Variants in NLRC5 observed in about 807,000 individuals in gnomAD.
NLRC5 encodes NLR family CARD domain containing 5.
Under a neutral mutation model 206.9 loss-of-function variants are expected in NLRC5, and 114 were observed. The observed-to-expected ratio is 0.55, with a 90% CI of 0.47 to 0.64. NLRC5 has a LOEUF of 0.64. NLRC5 is among the 30% of genes least tolerant of loss of function. The probability of loss-of-function intolerance (pLI) is 0.00; values close to 1 mark genes in which losing one functional copy is unlikely to be tolerated. For missense variants in NLRC5, 2,008 were observed against 2,305.5 expected, an observed-to-expected ratio of 0.87 and a Z score of 2.64; for synonymous variants, 952 against 962.8, an observed-to-expected ratio of 0.99 and a Z score of 0.21.
intron 23 of NLRC5, 128 bp from the exon 24 acceptor site, chr16:57,051,410 A>G: frequency 1.4e-6 from 1 of 719,216 alleles, no homozygotes; most frequent in Non-Finnish European, 2.5e-6. Flanking sequence ...CCATGGACCC[A>G]GTGCTGGGAG....
At chr16:56,990,284 G>T (rs1354672220) in intron 1 of NLRC5, among the ~76,000 whole-genome samples, 1 of 152,004 alleles carries the variant, frequency 6.6e-6, no homozygotes, top group East Asian at 1.9e-4. Flanking sequence ...TCTCAACTGA[G>T]GTATTTCAGA....
At chr16:57,019,363 C>T (rs971858299) in intron 2 of NLRC5, among the ~76,000 whole-genome samples, 1 of 152,062 alleles carries the variant, frequency 6.6e-6, no homozygotes, top group Non-Finnish European at 1.5e-5. Flanking sequence ...CACCATTGCA[C>T]TCCAGCCTGG....
chr16:57,012,511 C>T (rs55744249), intron 1 of NLRC5, among the ~76,000 whole-genome samples: 19,812 of 152,130 alleles, frequency 0.13, 1,389 homozygotes, highest in South Asian at 0.16. Context: ...GAGCGGCCAT[C>T]GGGCGAGTAT....
chr16:57,077,896 C>G (rs532173752), intron 42 of NLRC5, 47 bp from the exon 43 acceptor site: 1 of 1,608,648 alleles, frequency 6.2e-7, no homozygotes, highest in Admixed American at 1.7e-5. Context: ...GCGGGGGTCC[C>G]GAGTGGGCAG....
At chr16:57,079,330 C>A in intron 45 of NLRC5, 38 bp downstream of exon 45, 1 of 1,605,234 alleles carries the variant, frequency 6.2e-7, no homozygotes, top group Non-Finnish European at 8.5e-7. Context: ...GGACCAGTGG[C>A]AGGCTGAGGG....
In NLRC5 at chr16:57,079,256, G is replaced by A. The variant is rs117555414; in HGVS notation, c.5201G>A (p.Arg1734His). 2.4e-3 allele frequency: 3,795 copies of A among 1,613,642 alleles called. 13 individuals are homozygous for A. The highest frequency in any genetic ancestry group is 2.6e-3 in the Admixed American group (159 of 60,028). Residue 1734 changes from arginine to histidine, a missense_variant, in exon 45 of 49, where the codon CGT becomes CAT. Coordinates refer to ENST00000688547, the MANE Select transcript of NLRC5 (RefSeq NM_001384950.1). Reference sequence around the variant, plus strand: ...AACAACCTGGCTGGAGGGGTCCTGCGTTTCTGTATGGAGCTCCCGCTGCTC... The same window carrying A: ...AACAACCTGGCTGGAGGGGTCCTGCATTTCTGTATGGAGCTCCCGCTGCTC... ...AENNLAGGVL[R>H]FCMELPLLRQ...
chr16:57,033,744 G>T, intron 12 of NLRC5, 75 bp downstream of exon 12: 1 of 1,403,398 alleles, frequency 7.1e-7, no homozygotes, highest in Non-Finnish European at 1.0e-6. Flanking sequence ...GAGAGCAGGG[G>T]CAGGGAGGAT....
intron 1 of NLRC5, among the ~76,000 whole-genome samples, chr16:56,997,433 T>G (rs1336007680): frequency 6.6e-6 from 1 of 151,926 alleles, no homozygotes; most frequent in Non-Finnish European, 1.5e-5. Flanking sequence ...GTGAAGTAAA[T>G]GTAAAATCAC....
intron 11 of NLRC5, among the ~76,000 whole-genome samples, 169 bp from the exon 12 acceptor site, chr16:57,033,434 TC>T (rs2062110530): frequency 6.6e-6 from 1 of 152,208 alleles, no homozygotes; most frequent in South Asian, 2.1e-4. Flanking sequence ...CTGTTGCCCC[TC>T]CTGCTCTGCT....
At chr16:57,059,090 C>A in intron 29 of NLRC5, 29 bp downstream of exon 29, 1 of 1,613,378 alleles carries the variant, frequency 6.2e-7, no homozygotes, top group South Asian at 1.1e-5. Context: ...CCGAAAAGCC[C>A]CTTTCTGCTG....
In NLRC5 at chr16:57,074,703, C is replaced by T; in HGVS notation, c.4751+20C>T. 2 of 1,611,040 alleles carry T rather than the reference C, an allele frequency of 1.2e-6. No individual in the cohort carries two copies. Among genetic ancestry groups the T allele is most frequent in the Non-Finnish European group, 1.7e-6 (2 of 1,177,418 alleles). The stretch of plus-strand genomic sequence containing the variant: ...CCTCAGGTGAGTGACCGAGCGGCCC[C>T]ATGGGAATGAGTGGGAAGAAACACT... On this transcript the variant is annotated intron_variant, in intron 39 of 48. Transcript: ENST00000688547.
Position 57,058,112 on chromosome 16 carries a change from A to G in NLRC5, c.3794A>G (p.Glu1265Gly), listed in dbSNP as rs1416682255. ...GACAGCGGACTCAGATGCCTTCTGG[A>G]ATGTCTGCCGCAGGTGCCCATCTCC... is the stretch of plus-strand genomic sequence containing the variant. ...LGDSGLRCLL[E>G]CLPQVPISGL... is the part of the protein sequence containing the mutation. The change falls in exon 28 of 49, where the codon GAA (glutamate) becomes GGA (glycine). Residue 1265 changes from glutamate to glycine, a missense_variant. Glu to Gly is a moderately conservative substitution (Grantham distance 98). Transcript: ENST00000688547. 1.9e-6 allele frequency: 3 copies of G among 1,611,808 alleles called. No individual in the cohort carries two copies. Among genetic ancestry groups the G allele is most frequent in the Non-Finnish European group, 2.5e-6 (3 of 1,178,934 alleles).
chr16:56,997,818 C>T (rs7187275), intron 1 of NLRC5, among the ~76,000 whole-genome samples: 2 of 152,012 alleles, frequency 1.3e-5, no homozygotes. Context: ...TGGGCTCAAG[C>T]GATCCTCCTG....
rs3995823 is a variant in NLRC5, at chr16:57,060,024, GTTATTATTA to G, written c.3986+518_3986+526del. Reference sequence around the variant, plus strand: ...AGTGCTGTCAGCAGTTATTGTAACTGTTATTATTATTATTATTATTATTATTATTATTAT... The same window carrying G: ...AGTGCTGTCAGCAGTTATTGTAACTGTTATTATTATTATTATTATTATTAT... On this transcript the variant is annotated intron_variant, in intron 30 of 48. Transcript: ENST00000688547. Among the ~76,000 whole-genome samples, 1,145 of 144,874 alleles carry G rather than the reference GTTATTATTA, an allele frequency of 7.9e-3. 15 individuals are homozygous for G. Among genetic ancestry groups the G allele is most frequent in the African/African-American group, 0.021 (816 of 39,498 alleles).
At position 57,077,860 on chromosome 16, in the gene NLRC5, C is replaced by T; in HGVS notation, c.5003+58C>T. The T allele has an allele frequency of 1.9e-6, 3 of 1,592,846 alleles. No individual in the cohort carries two copies. In the East Asian group the frequency reaches 6.7e-5, roughly 36 times the overall value. On this transcript the variant is annotated intron_variant, in intron 42 of 48. Transcript: ENST00000688547. ...GTGCCCCCCAGGTCCACCTGGCCTCCTCTCCCGCAGTGGGCACAGGGCAGG... is the reference window on the plus strand; with the variant it reads ...GTGCCCCCCAGGTCCACCTGGCCTCTTCTCCCGCAGTGGGCACAGGGCAGG...
chr16:57,013,466 G>C, intron 1 of NLRC5: 1 of 704,450 alleles, frequency 1.4e-6, no homozygotes. Context: ...AAGCTGTCCA[G>C]AGAAATCTGA....
At chr16:56,994,312 A>G (rs2057333446) in intron 1 of NLRC5, among the ~76,000 whole-genome samples, 2 of 152,210 alleles carry the variant, frequency 1.3e-5, no homozygotes, top group African/African-American at 4.8e-5. Context: ...ATTTTCGGTG[A>G]GTCCAGGAAT....
chr16:57,015,944 A>AAAAAAAAAAAG (rs1567531360), intron 1 of NLRC5, among the ~76,000 whole-genome samples: 1 of 120,242 alleles, frequency 8.3e-6, no homozygotes, highest in Non-Finnish European at 1.8e-5. Flanking sequence ...AAAAAAAAAA[A>AAAAAAAAAAAG]AAAAGAAAGA....
At chr16:57,020,331 C>T (rs2060520906) in intron 2 of NLRC5, among the ~76,000 whole-genome samples, 1 of 145,956 alleles carries the variant, frequency 6.9e-6, no homozygotes, top group Non-Finnish European at 1.5e-5. Flanking sequence ...CTCACCGGTT[C>T]CCCAGCTCAT....
Sources: allele counts gnomAD v4.1 joint callset (sites outside exome capture counted in the v4.1 genomes callset), GRCh38; gene constraint gnomAD v4.1.1; transcripts MANE v1.5; gene names NCBI Gene and HGNC (gene_info 2026-07-23, HGNC 2026-07-21).